TRPM3: variants seen among roughly 807,000 people sequenced by gnomAD.
TRPM3 encodes long transient receptor potential channel 3.
In TRPM3, 77 loss-of-function variants were observed where a neutral mutation model predicts 181.2. The ratio of observed to expected loss-of-function variants is 0.42; its 90% CI spans 0.35 to 0.51. The LOEUF is 0.51. TRPM3 is among the 20% of genes least tolerant of loss of function. TRPM3 has a pLI of 0.01. For synonymous variants in TRPM3, 745 were observed against 796.4 expected (o/e 0.94, Z 1.09); for missense variants, 1,759 against 2,196.7 (o/e 0.80, Z 3.98).
At chr9:71,290,470 C>T (rs2085713093) in intron 1 of TRPM3, among the ~76,000 whole-genome samples, 1 of 151,728 alleles carries the variant, frequency 6.6e-6, no homozygotes. Flanking sequence ...ATTGAATGTC[C>T]AATAGAATGA....
chr9:71,074,750 T>C (rs866716958), intron 1 of TRPM3, among the ~76,000 whole-genome samples: 5 of 152,268 alleles, frequency 3.3e-5, no homozygotes, highest in Admixed American at 6.5e-5. Context: ...ATTCTTGTTG[T>C]ACTTATTACT....
intron 25 of TRPM3, 89 bp from the exon 26 acceptor site, chr9:70,537,494 C>G: frequency 8.1e-7 from 1 of 1,233,986 alleles, no homozygotes; most frequent in African/African-American, 1.5e-5. Flanking sequence ...ACAGCTGTGC[C>G]TGACCTTGGT....
rs185609946 is a variant in TRPM3, at chr9:70,578,993, G to A, written c.3223+12038C>T. 2.0e-4 allele frequency among the ~76,000 whole-genome samples: 30 copies of A among 152,184 alleles called. No homozygotes were observed. The South Asian group carries it at 5.4e-3, about 27-fold the overall frequency. On this transcript the variant is annotated intron_variant, in intron 22 of 25. Transcript: ENST00000677713. ...ATGTCTCTTTGCTGGGTGGTGGTTAGGGGGTGCAACTGCCCCTGGTTGAGA... is the reference window on the plus strand; with the variant it reads ...ATGTCTCTTTGCTGGGTGGTGGTTAAGGGGTGCAACTGCCCCTGGTTGAGA...
At chr9:71,360,701 A>G (rs1008710975) in intron 1 of TRPM3, among the ~76,000 whole-genome samples, 1 of 152,198 alleles carries the variant, frequency 6.6e-6, no homozygotes, top group Non-Finnish European at 1.5e-5. Context: ...TCTCTTTGGA[A>G]TCAGATAAAA....
chr9:70,638,928 G>A, intron 11 of TRPM3, 132 bp downstream of exon 11: 1 of 1,030,490 alleles, frequency 9.7e-7, no homozygotes, highest in South Asian at 1.6e-5. Context: ...GTAGGTCTAA[G>A]GGAGTATTTG....
At chr9:71,296,962 GAACA>G (rs1324814478) in intron 1 of TRPM3, among the ~76,000 whole-genome samples, 1 of 148,822 alleles carries the variant, frequency 6.7e-6, no homozygotes, top group African/African-American at 2.5e-5. Context: ...AACAATACAT[GAACA>G]AACATGGGAT....
chr9:71,323,879 T>C (rs370165025), intron 1 of TRPM3, among the ~76,000 whole-genome samples: 19 of 152,284 alleles, frequency 1.2e-4, no homozygotes, highest in African/African-American at 4.3e-4. Flanking sequence ...GTACTTTATT[T>C]GCTGATCTTA....
chr9:71,212,218 G>A (rs2079551830), intron 1 of TRPM3, among the ~76,000 whole-genome samples: 1 of 152,172 alleles, frequency 6.6e-6, no homozygotes, highest in African/African-American at 2.4e-5. Context: ...CCGGGCTCAA[G>A]CCATCCTCCC....
At chr9:71,241,574 C>T (rs779361084) in intron 1 of TRPM3, among the ~76,000 whole-genome samples, 1 of 151,602 alleles carries the variant, frequency 6.6e-6, no homozygotes, top group African/African-American at 2.4e-5. Flanking sequence ...TGCAGCACAC[C>T]AATATGGCAC....
chr9:71,214,727 T>A (rs909941957), intron 1 of TRPM3, among the ~76,000 whole-genome samples: 1 of 152,198 alleles, frequency 6.6e-6, no homozygotes, highest in Admixed American at 6.5e-5. Context: ...GCACCCTGCA[T>A]TCCAACCACA....
chr9:71,374,095 G>A (rs1215335199), intron 1 of TRPM3, among the ~76,000 whole-genome samples: 2 of 152,068 alleles, frequency 1.3e-5, no homozygotes, highest in African/African-American at 2.4e-5. Context: ...ACTCTCAAAG[G>A]CCAGGCACAG....
chr9:70,541,768 C>T (rs957234914), intron 25 of TRPM3, among the ~76,000 whole-genome samples: 6 of 152,186 alleles, frequency 3.9e-5, no homozygotes, highest in African/African-American at 1.4e-4. Context: ...GCCTCAGCCT[C>T]CCAAAGTGCT....
At chr9:71,038,396 G>A (rs1164923303) in intron 1 of TRPM3, among the ~76,000 whole-genome samples, 1 of 152,156 alleles carries the variant, frequency 6.6e-6, no homozygotes, top group African/African-American at 2.4e-5. Flanking sequence ...ACTGGCCTTA[G>A]TTAGATCCAG....
chr9:71,106,004 A>C (rs10868948), intron 1 of TRPM3, among the ~76,000 whole-genome samples: 48,458 of 151,922 alleles, frequency 0.32, 8,701 homozygotes, highest in Middle Eastern at 0.42. Flanking sequence ...CACAAATTCT[A>C]CTGTAAGTTA....
At chr9:70,806,491 G>A (rs1327122860) in intron 6 of TRPM3, among the ~76,000 whole-genome samples, 1 of 151,964 alleles carries the variant, frequency 6.6e-6, no homozygotes, top group Non-Finnish European at 1.5e-5. Context: ...AGGAGTTTGA[G>A]ACCAGCCTGG....
intron 9 of TRPM3, among the ~76,000 whole-genome samples, chr9:70,648,432 T>C (rs1304234921): frequency 2.0e-5 from 3 of 152,080 alleles, no homozygotes; most frequent in Non-Finnish European, 4.4e-5. Flanking sequence ...GCCATGATCA[T>C]GGCAGCCTGG....
chr9:71,185,362 C>T (rs749611896), intron 1 of TRPM3, among the ~76,000 whole-genome samples: 3 of 152,084 alleles, frequency 2.0e-5, no homozygotes, highest in East Asian at 1.9e-4. Context: ...GAAAGACATT[C>T]GCTTGTAGCA....
chr9:71,104,672 G>C (rs2069113544), intron 1 of TRPM3, among the ~76,000 whole-genome samples: 1 of 151,966 alleles, frequency 6.6e-6, no homozygotes, highest in African/African-American at 2.4e-5. Flanking sequence ...TCCTCTCTTT[G>C]CTCAACTTTA....
At chr9:71,192,806 C>T (rs1217870141) in intron 1 of TRPM3, among the ~76,000 whole-genome samples, 8 of 151,786 alleles carry the variant, frequency 5.3e-5, no homozygotes, top group South Asian at 4.1e-4. Flanking sequence ...ATGCTTTTGG[C>T]GTCATATCCA....
Sources: allele counts gnomAD v4.1 joint callset (sites outside exome capture counted in the v4.1 genomes callset), GRCh38; gene constraint gnomAD v4.1.1; transcripts MANE v1.5; gene names NCBI Gene and HGNC (gene_info 2026-07-23, HGNC 2026-07-21).